Variants in PRKAG2 observed in about 807,000 individuals in gnomAD.
The protein encoded by PRKAG2 is protein kinase AMP-activated non-catalytic subunit gamma 2, also known as 5'-AMP-activated protein kinase subunit gamma-2.
Under a neutral mutation model 69.6 loss-of-function variants are expected in PRKAG2, and 26 were observed. The observed-to-expected ratio is 0.37, with a 90% confidence interval of 0.27 to 0.52. PRKAG2 has a LOEUF of 0.52. Among genes scored for constraint, PRKAG2 ranks in the 20% least tolerant of loss-of-function variants. The pLI, the probability that PRKAG2 is intolerant of heterozygous loss-of-function variation, is 0.90. For missense variants in PRKAG2, 557 were observed against 740.0 expected, an observed-to-expected ratio of 0.75 and a Z score of 2.87; for synonymous variants, 293 against 285.0, an observed-to-expected ratio of 1.03 and a Z score of -0.28.
intron 3 of PRKAG2, among the ~76,000 whole-genome samples, chr7:151,776,332 C>A (rs4725432): frequency 0.19 from 28,841 of 152,178 alleles, 3,372 homozygotes; most frequent in Admixed American, 0.29. Flanking sequence ...GGCTGTCTAC[C>A]CCGATGGTGT....
At chr7:151,778,039 T>C (rs1158750591) in intron 3 of PRKAG2, among the ~76,000 whole-genome samples, 1 of 152,136 alleles carries the variant, frequency 6.6e-6, no homozygotes, top group Non-Finnish European at 1.5e-5. Context: ...AGACTTGAAT[T>C]CTGGCAACCA....
At position 151,632,967 on chromosome 7, in the gene PRKAG2, T is replaced by G. The variant is rs1320508704; in HGVS notation, c.685-829A>C. 1.3e-5 allele frequency: 2 copies of G among 152,190 alleles called. No individual in the cohort carries two copies. Among genetic ancestry groups the G allele is most frequent in the African/African-American group, 4.8e-5 (2 of 41,446 alleles). 9.4% of individuals were successfully genotyped at this position (152,190 alleles called of 1,614,324 possible). A position where few individuals can be genotyped will look rare whatever the true frequency, so the allele number is the denominator to read the frequency against. ...GAGACTCTACTATGGCCAACTCAGG[T>G]TGGCAGGCTGCGCGGCCAGCAGCCG... On this transcript the variant is annotated intron_variant, in intron 4 of 15. Coordinates refer to ENST00000287878, the MANE Select transcript of PRKAG2 (RefSeq NM_016203.4). The surrounding 1 kb of genome is among the most constrained non-coding windows in gnomAD (Gnocchi z 4.2).
At chr7:151,861,527 C>CAAAA (rs1563762540) in intron 1 of PRKAG2, among the ~76,000 whole-genome samples, 12 of 60,382 alleles carry the variant, frequency 2.0e-4, no homozygotes, top group East Asian at 3.5e-4. Context: ...GACTCTGTCT[C>CAAAA]CAAAAAAAAA....
chr7:151,773,041 GAGAGAGAGA>G (rs2076130675), intron 3 of PRKAG2, among the ~76,000 whole-genome samples: 1 of 43,512 alleles, frequency 2.3e-5, no homozygotes, highest in Middle Eastern at 0.013. Flanking sequence ...GAGAGAGAGA[GAGAGAGAGA>G]GAGGGAGGGA....
rs78612266 is a variant in PRKAG2 at position 151,705,650 on chromosome 7, T to A, written c.467-30013A>T. Among the ~76,000 whole-genome samples, 510 of 152,292 alleles carry A rather than the reference T, an allele frequency of 3.3e-3. 4 individuals carry two copies. The highest frequency in any genetic ancestry group is 0.012 in the African/African-American group (481 of 41,566). ...AGAAAGCAATTCTATTTGTCCAGGA[T>A]CAGCTCACTAAGGTCCTCCTAGAGC... On this transcript the variant is annotated intron_variant, in intron 3 of 15. Transcript: ENST00000287878.
intron 4 of PRKAG2, among the ~76,000 whole-genome samples, chr7:151,634,943 T>G (rs1166708353): frequency 2.7e-5 from 4 of 149,226 alleles, no homozygotes; most frequent in East Asian, 1.9e-4. Context: ...ACCACTGTTT[T>G]TTTTTTTTTT....
chr7:151,628,963 C>T (rs1433414882), intron 5 of PRKAG2, among the ~76,000 whole-genome samples: 1 of 152,104 alleles, frequency 6.6e-6, no homozygotes, highest in Non-Finnish European at 1.5e-5. Flanking sequence ...TTACTAAGAT[C>T]GGTGTGGCAT....
At chr7:151,744,292 T>C (rs1268588022) in intron 3 of PRKAG2, among the ~76,000 whole-genome samples, 1 of 152,214 alleles carries the variant, frequency 6.6e-6, no homozygotes, top group African/African-American at 2.4e-5. Context: ...GTGGCACATG[T>C]TGTCCCACTA....
chr7:151,722,192 G>T (rs1797225959), intron 3 of PRKAG2, among the ~76,000 whole-genome samples: 1 of 152,136 alleles, frequency 6.6e-6, no homozygotes, highest in Non-Finnish European at 1.5e-5. Flanking sequence ...TACAATGCAG[G>T]TGTAGACTCA....
intron 4 of PRKAG2, among the ~76,000 whole-genome samples, chr7:151,659,981 G>A (rs1047953916): frequency 2.0e-5 from 3 of 152,216 alleles, no homozygotes; most frequent in African/African-American, 4.8e-5. Context: ...ACTGCTTGAG[G>A]CTGGGAGTTC....
intron 3 of PRKAG2, among the ~76,000 whole-genome samples, chr7:151,742,884 A>T (rs952113061): frequency 6.6e-6 from 1 of 152,152 alleles, no homozygotes; most frequent in Non-Finnish European, 1.5e-5. Context: ...TACATGAGGG[A>T]CAAAGCTTTG....
intron 3 of PRKAG2, among the ~76,000 whole-genome samples, chr7:151,767,863 T>G (rs1280876699): frequency 2.6e-5 from 4 of 152,222 alleles, no homozygotes; most frequent in Non-Finnish European, 2.9e-5. Context: ...TTATTCTGAT[T>G]ATGGAGCCAG....
intron 1 of PRKAG2, among the ~76,000 whole-genome samples, chr7:151,787,459 G>C (rs2077068753): frequency 6.6e-6 from 1 of 151,880 alleles, no homozygotes; most frequent in Non-Finnish European, 1.5e-5. Flanking sequence ...GCATCAGGCA[G>C]TATTTGTGAC....
intron 3 of PRKAG2, among the ~76,000 whole-genome samples, chr7:151,689,267 T>C (rs1011763022): frequency 1.3e-5 from 2 of 152,206 alleles, no homozygotes; most frequent in Admixed American, 6.5e-5. Flanking sequence ...AATGGTCCCA[T>C]TCCTGAGCTG....
chr7:151,819,921 G>A (rs71541708), intron 1 of PRKAG2, among the ~76,000 whole-genome samples: 2 of 152,212 alleles, frequency 1.3e-5, no homozygotes, highest in Non-Finnish European at 2.9e-5. Flanking sequence ...AAGCCAGCAG[G>A]TCTATAAACG....
intron 3 of PRKAG2, among the ~76,000 whole-genome samples, chr7:151,713,067 A>C (rs1795580563): frequency 1.3e-5 from 2 of 152,184 alleles, no homozygotes; most frequent in Admixed American, 1.3e-4. Flanking sequence ...CCTTCCTCGG[A>C]GCTGAAGCAG....
At chr7:151,624,935 C>T (rs1443382852) in intron 5 of PRKAG2, among the ~76,000 whole-genome samples, 1 of 152,138 alleles carries the variant, frequency 6.6e-6, no homozygotes, top group Non-Finnish European at 1.5e-5. Flanking sequence ...GCCTAGGTGC[C>T]ACAGTAAAAG....
chr7:151,720,154 C>A (rs1029244856), intron 3 of PRKAG2, among the ~76,000 whole-genome samples: 4 of 152,310 alleles, frequency 2.6e-5, no homozygotes, highest in Admixed American at 2.0e-4. Flanking sequence ...TTCTTTCTCT[C>A]CCTCCAGATC....
intron 4 of PRKAG2, among the ~76,000 whole-genome samples, chr7:151,666,405 T>C (rs976706443): frequency 2.6e-5 from 4 of 152,178 alleles, no homozygotes; most frequent in African/African-American, 7.2e-5. Flanking sequence ...AAACTGAACC[T>C]GCCAACACCT....
Sources: gnomAD v4.1 joint callset for allele counts (sites outside exome capture counted in the v4.1 genomes callset) on GRCh38, gnomAD v4.1.1 for gene constraint, Gnocchi (gnomAD v3.1) non-coding constraint, MANE v1.5 for transcripts, NCBI Gene and HGNC (gene_info 2026-07-23, HGNC 2026-07-21) for gene names.